Variants in CEP83 observed in about 807,000 individuals in gnomAD.
The protein encoded by CEP83 is centrosomal protein 83, also known as centrosomal protein of 83 kDa.
A neutral mutation model predicts 101.9 loss-of-function variants in CEP83; 70 were observed. The ratio of observed to expected loss-of-function variants is 0.69; its 90% CI spans 0.57 to 0.84. CEP83 has a LOEUF of 0.84. Ranked by LOEUF, CEP83 falls within the 40% of genes least tolerant of loss-of-function variation. The pLI, the probability that CEP83 is intolerant of heterozygous loss-of-function variation, is 0.00. For synonymous variants in CEP83, 264 were observed against 267.9 expected (o/e 0.99, Z 0.14); for missense variants, 715 against 787.2 (o/e 0.91, Z 1.10).
intron 2 of CEP83, among the ~76,000 whole-genome samples, chr12:94,419,811 C>T (rs186343380): frequency 1.1e-3 from 160 of 152,030 alleles, no homozygotes; most frequent in African/African-American, 3.7e-3. Context: ...AAGAAACTTG[C>T]GCCTTTCTTT....
At chr12:94,285,419 A>G in the CEP83 span, among the ~76,000 whole-genome samples, 1 of 152,134 alleles carries the variant, frequency 6.6e-6, no homozygotes, top group Non-Finnish European at 1.5e-5. Flanking sequence ...TTGGGTGATG[A>G]CTGAGGTGCT....
chr12:94,367,724 T>C (rs902602153), intron 11 of CEP83, 70 bp downstream of exon 11: 5 of 1,109,818 alleles, frequency 4.5e-6, no homozygotes, highest in South Asian at 1.7e-5. Flanking sequence ...TTTGTACTAG[T>C]TGTACATCAT....
intron 4 of CEP83, among the ~76,000 whole-genome samples, chr12:94,410,357 C>T (rs1006347024): frequency 2.6e-5 from 4 of 152,104 alleles, no homozygotes; most frequent in African/African-American, 7.2e-5. Context: ...AACTTTTATC[C>T]GCTTTACCAC....
At chr12:94,401,066 T>A (rs1417319245) in intron 5 of CEP83, 85 bp from the exon 6 acceptor site, 3 of 716,350 alleles carry the variant, frequency 4.2e-6, no homozygotes, top group Non-Finnish European at 6.0e-6. Context: ...TAATTTTAAA[T>A]TACATTATAA....
At chr12:94,275,386 C>T in the CEP83 span, among the ~76,000 whole-genome samples, 22 of 152,322 alleles carry the variant, frequency 1.4e-4, no homozygotes, top group East Asian at 2.3e-3. Context: ...ATCGAGGTGT[C>T]TCCCCCGATG....
intron 14 of CEP83, among the ~76,000 whole-genome samples, chr12:94,327,744 G>A (rs1414161718): frequency 6.6e-6 from 1 of 151,970 alleles, no homozygotes; most frequent in African/African-American, 2.4e-5. Context: ...TGGCAGTCAC[G>A]CTTTACCTTC....
chr12:94,378,863 A>T lies in CEP83; in HGVS notation c.729T>A (p.Ala243=). The T allele has an allele frequency of 6.2e-7, 1 of 1,614,056 alleles. No individual in the cohort carries two copies. The highest frequency in any genetic ancestry group is 8.5e-7 in the Non-Finnish European group (1 of 1,179,966). The change falls in exon 7 of 17, where the codon GCT becomes GCA. Residue 243 remains alanine, a synonymous_variant. Coordinates refer to ENST00000397809, the MANE Select transcript of CEP83 (RefSeq NM_016122.3). Reference sequence around the variant, plus strand: ...GTATTCTTTGGGCATTTTCCACCTGAGCCTCAGAATTCTCCTTTTCAGCCT... The same window carrying T: ...GTATTCTTTGGGCATTTTCCACCTGTGCCTCAGAATTCTCCTTTTCAGCCT... The part of the protein sequence containing the change: ...ELKAEKENSE[A]QVENAQRIQV...
chr12:94,315,988 T>C (rs1970624995), intron 14 of CEP83, among the ~76,000 whole-genome samples: 1 of 152,168 alleles, frequency 6.6e-6, no homozygotes, highest in African/African-American at 2.4e-5. Context: ...ATTCTAGTCC[T>C]TTGTACTTTC....
chr12:94,369,435 C>T (rs2061188277), intron 9 of CEP83: 1 of 152,072 alleles, frequency 6.6e-6, no homozygotes, highest in Non-Finnish European at 1.5e-5. Context: ...GCCAGGGGGA[C>T]AGAGCGAGAC....
chr12:94,363,947 CAAAA>C (rs376859752), intron 11 of CEP83, among the ~76,000 whole-genome samples: 5 of 59,454 alleles, frequency 8.4e-5, no homozygotes, highest in Admixed American at 5.3e-4. Flanking sequence ...GACGCTGTCT[CAAAA>C]AAAAAAAAAA....
the CEP83 span, among the ~76,000 whole-genome samples, chr12:94,274,507 G>A: frequency 1.2e-4 from 19 of 152,248 alleles, no homozygotes; most frequent in African/African-American, 4.3e-4. Flanking sequence ...GCTGCTGGTT[G>A]GACGACAAAC....
At chr12:94,406,405 A>C (rs2063535835) in intron 4 of CEP83, among the ~76,000 whole-genome samples, 3 of 152,120 alleles carry the variant, frequency 2.0e-5, no homozygotes, top group Admixed American at 2.0e-4. Flanking sequence ...CAAAGTTCAC[A>C]GTATCTAACA....
chr12:94,393,742 A>C (rs1200986901), intron 6 of CEP83, among the ~76,000 whole-genome samples: 1 of 152,210 alleles, frequency 6.6e-6, no homozygotes, highest in Admixed American at 6.5e-5. Context: ...CTCAGCCCCA[A>C]ATCTCCTTAA....
the CEP83 span, among the ~76,000 whole-genome samples, chr12:94,271,580 C>T: frequency 6.6e-6 from 1 of 152,228 alleles, no homozygotes. Context: ...TGGGCTCAGC[C>T]ACTTTACTCT....
At chr12:94,287,019 G>A in the CEP83 span, among the ~76,000 whole-genome samples, 2 of 152,156 alleles carry the variant, frequency 1.3e-5, no homozygotes, top group African/African-American at 2.4e-5. Flanking sequence ...CAGCACCGGG[G>A]AATTGCTTTC....
At chr12:94,273,943 C>T in the CEP83 span, among the ~76,000 whole-genome samples, 1 of 151,974 alleles carries the variant, frequency 6.6e-6, no homozygotes, top group Non-Finnish European at 1.5e-5. Flanking sequence ...TCTGCGTCAC[C>T]ATCTCCCAGT....
At chr12:94,393,297 C>T (rs534197162) in intron 6 of CEP83, among the ~76,000 whole-genome samples, 94 of 152,172 alleles carry the variant, frequency 6.2e-4, no homozygotes, top group Non-Finnish European at 1.0e-3. Context: ...GGGCTTCATC[C>T]CTGGGATGCA....
chr12:94,279,945 A>G, the CEP83 span: 1 of 490,774 alleles, frequency 2.0e-6, no homozygotes, highest in Non-Finnish European at 3.8e-6. Context: ...ACTGCACGGA[A>G]TCACCTTGCA....
At chr12:94,429,106 T>C (rs1465446496) in intron 2 of CEP83, among the ~76,000 whole-genome samples, 1 of 152,148 alleles carries the variant, frequency 6.6e-6, no homozygotes, top group Admixed American at 6.5e-5. Context: ...AAGTCATAAA[T>C]TCAGGAAGTT....
Sources: allele counts gnomAD v4.1 joint callset (sites outside exome capture counted in the v4.1 genomes callset), GRCh38; gene constraint gnomAD v4.1.1; transcripts MANE v1.5; gene names NCBI Gene and HGNC (gene_info 2026-07-23, HGNC 2026-07-21).